Variants in GPATCH8 observed in about 807,000 individuals in gnomAD.
GPATCH8 encodes the protein G-patch domain containing 8.
A neutral mutation model predicts 118.3 loss-of-function variants in GPATCH8; 18 were observed. The ratio of observed to expected loss-of-function variants is 0.15; its 90% CI spans 0.11 to 0.23. The LOEUF is 0.23. Among genes scored for constraint, GPATCH8 ranks in the 10% least tolerant of loss-of-function variants. The probability of loss-of-function intolerance (pLI) is 1.00; values close to 1 mark genes in which losing one functional copy is unlikely to be tolerated. For synonymous variants in GPATCH8, 659 were observed against 684.7 expected, an observed-to-expected ratio of 0.96 and a Z score of 0.59; for missense variants, 1,631 against 1,873.8, an observed-to-expected ratio of 0.87 and a Z score of 2.39.
In GPATCH8 at chr17:44,399,810, C is replaced by T. The variant is rs762758258; in HGVS notation, c.2267G>A (p.Arg756Gln). Residue 756 changes from arginine (R) to glutamine (Q), a missense_variant, in exon 8 of 8, where the codon CGG (arginine) becomes CAG (glutamine). Physicochemically the swap from Arg to Gln is conservative, Grantham distance 43. Transcript: ENST00000591680. ...CCCCTCTTCAGCTGGGAGGGATCTC[C>T]GCTGGGAGTCATCTTGAGCTCTCCG... ...RRRRAQDDSQRRSLPAEEGSS... is the reference protein window; with the variant it reads ...RRRRAQDDSQQRSLPAEEGSS... 2.2e-5 allele frequency: 36 copies of T among 1,613,336 alleles called. No individual in the cohort carries two copies. The highest frequency in any genetic ancestry group is 5.0e-5 in the Admixed American group (3 of 59,924).
intron 6 of GPATCH8, among the ~76,000 whole-genome samples, chr17:44,416,765 A>G (rs1256135930): frequency 6.6e-6 from 1 of 152,206 alleles, no homozygotes; most frequent in Non-Finnish European, 1.5e-5. Flanking sequence ...TAAATCATGT[A>G]TTAACAGATT....
chr17:44,460,003 C>T (rs1166998925), intron 3 of GPATCH8, among the ~76,000 whole-genome samples: 1 of 152,200 alleles, frequency 6.6e-6, no homozygotes. Context: ...AGTACTTACA[C>T]AATGTAACAA....
chr17:44,438,064 A>C (rs923313818), intron 3 of GPATCH8, among the ~76,000 whole-genome samples: 1 of 152,222 alleles, frequency 6.6e-6, no homozygotes, highest in Non-Finnish European at 1.5e-5. Context: ...ATGGTATAAT[A>C]AATAAGCAGT....
intron 7 of GPATCH8, among the ~76,000 whole-genome samples, chr17:44,402,621 A>AAAAAAT (rs1183805512): frequency 1.3e-5 from 2 of 152,296 alleles, no homozygotes; most frequent in East Asian, 1.9e-4. Context: ...CCACCTCTAA[A>AAAAAAT]AAAAATAAAA....
chr17:44,415,931 G>C (rs985675026), intron 6 of GPATCH8, among the ~76,000 whole-genome samples: 8 of 152,232 alleles, frequency 5.3e-5, no homozygotes, highest in Non-Finnish European at 2.9e-5. Context: ...ATTAGGTCCT[G>C]AAGTGTCTGT....
chr17:44,418,697 A>T (rs1023902323), intron 6 of GPATCH8, among the ~76,000 whole-genome samples: 1 of 152,022 alleles, frequency 6.6e-6, no homozygotes, highest in Non-Finnish European at 1.5e-5. Flanking sequence ...GTGATCCGCC[A>T]GCCTCGGCCT....
intron 3 of GPATCH8, among the ~76,000 whole-genome samples, chr17:44,442,118 T>TAG (rs1163331851): frequency 3.5e-4 from 49 of 140,912 alleles, no homozygotes; most frequent in African/African-American, 5.6e-4. Context: ...CATATATATA[T>TAG]ATATAGAGAG....
At position 44,449,132 on chromosome 17, in the gene GPATCH8, C is replaced by T. The variant is rs1477633232; in HGVS notation, c.194-12587G>A. 1.4e-4 allele frequency among the ~76,000 whole-genome samples: 21 copies of T among 152,152 alleles called. No individual in the cohort carries two copies. In the East Asian group the frequency reaches 3.9e-3, roughly 28 times the overall value. On this transcript the variant is annotated intron_variant, in intron 3 of 7. Transcript: ENST00000591680. ...CTCTGCTAAAAAATACAAAAATTAGCCAGGCGTGATGGCACATGCCTGTAA... is the reference window on the plus strand; with the variant it reads ...CTCTGCTAAAAAATACAAAAATTAGTCAGGCGTGATGGCACATGCCTGTAA...
intron 3 of GPATCH8, among the ~76,000 whole-genome samples, chr17:44,462,821 A>G (rs1039705603): frequency 4.6e-5 from 7 of 151,908 alleles, no homozygotes; most frequent in African/African-American, 1.7e-4. Flanking sequence ...TCTCTATAAA[A>G]ATACAAATAA....
At position 44,405,859 on chromosome 17, in the gene GPATCH8, A is replaced by G. The variant is rs1477174908; in HGVS notation, c.623+62T>C. The stretch of plus-strand genomic sequence containing the variant: ...AATCTTAAATTATAATCTGAAATCT[A>G]TAATTTAAAATTTTAAGGATTATAA... On this transcript the variant is annotated intron_variant, in intron 7 of 7. Transcript: ENST00000591680. The G allele has an allele frequency of 1.0e-5, 12 of 1,170,574 alleles. No individual in the cohort carries two copies. In the Admixed American group the frequency reaches 1.7e-4, roughly 16 times the overall value. 72.5% of individuals were successfully genotyped at this position (1,170,574 alleles called of 1,614,324 possible). A position where few individuals can be genotyped will look rare whatever the true frequency, so the allele number is the denominator to read the frequency against.
intron 1 of GPATCH8, among the ~76,000 whole-genome samples, chr17:44,487,614 CT>C (rs1968886132): frequency 6.6e-6 from 1 of 152,162 alleles, no homozygotes; most frequent in South Asian, 2.1e-4. Context: ...TTGATGGTGT[CT>C]TTTGCAGAAC....
intron 2 of GPATCH8, chr17:44,464,931 AGAT>A: frequency 6.2e-6 from 1 of 160,420 alleles, no homozygotes. Context: ...CACCACTTTA[AGAT>A]TTTTTTTTTT....
At chr17:44,444,457 AAC>A (rs2050802904) in intron 3 of GPATCH8, among the ~76,000 whole-genome samples, 1 of 152,182 alleles carries the variant, frequency 6.6e-6, no homozygotes, top group Middle Eastern at 3.4e-3. Context: ...TACGGAAAAA[AAC>A]AGTTAAGTCT....
chr17:44,486,817 A>C (rs574411031), intron 1 of GPATCH8: 2 of 152,334 alleles, frequency 1.3e-5, no homozygotes, highest in South Asian at 2.1e-4. Flanking sequence ...CTTTGGAAGA[A>C]GTGCTTTAGA....
intron 1 of GPATCH8, among the ~76,000 whole-genome samples, chr17:44,499,084 T>A (rs926919767): frequency 6.6e-6 from 1 of 152,242 alleles, no homozygotes; most frequent in Non-Finnish European, 1.5e-5. Context: ...TTTCTGTATT[T>A]TTATTACGAC....
intron 1 of GPATCH8, among the ~76,000 whole-genome samples, chr17:44,492,499 G>T (rs1045277532): frequency 6.6e-6 from 1 of 152,004 alleles, no homozygotes; most frequent in African/African-American, 2.4e-5. Flanking sequence ...GTGAACCTGG[G>T]AGGCGGAGCT....
chr17:44,442,759 C>T (rs1279598254), intron 3 of GPATCH8, among the ~76,000 whole-genome samples: 4 of 152,156 alleles, frequency 2.6e-5, no homozygotes, highest in Admixed American at 6.5e-5. Context: ...CCAATGAGCC[C>T]GGCCTAAAAT....
At chr17:44,466,148 T>C (rs2051754878) in intron 2 of GPATCH8, among the ~76,000 whole-genome samples, 1 of 151,364 alleles carries the variant, frequency 6.6e-6, no homozygotes, top group Admixed American at 6.6e-5. Context: ...CTGGGAGGTA[T>C]GGGCGCACAA....
At chr17:44,474,927 T>C in intron 1 of GPATCH8, 24 bp from the exon 2 acceptor site, 1 of 1,228,578 alleles carries the variant, frequency 8.1e-7, no homozygotes, top group Non-Finnish European at 1.2e-6. Flanking sequence ...ATTACAGTTA[T>C]TTTTCAAAAG....
Sources: allele counts gnomAD v4.1 joint callset (sites outside exome capture counted in the v4.1 genomes callset), GRCh38; gene constraint gnomAD v4.1.1; transcripts MANE v1.5; gene names NCBI Gene and HGNC (gene_info 2026-07-23, HGNC 2026-07-21).